CDH26: variants seen among roughly 807,000 people sequenced by gnomAD.
The protein encoded by CDH26 is cadherin 26.
CDH26 carries 83 observed loss-of-function variants against 90.3 expected under a neutral mutation model. The observed-to-expected ratio is 0.92, with a 90% confidence interval of 0.77 to 1.10. CDH26 has a LOEUF of 1.10. Among genes scored for constraint, CDH26 ranks in the 50% least tolerant of loss-of-function variants. The pLI, the probability that CDH26 is intolerant of heterozygous loss-of-function variation, is 0.00. For missense variants in CDH26, 1,013 were observed against 1,037.6 expected (o/e 0.98, Z 0.33); for synonymous variants, 397 against 396.3 (o/e 1.00, Z -0.02).
chr20:60,018,689 CCT>C (rs1236579716), downstream of CDH26, among the ~76,000 whole-genome samples: 3 of 77,182 alleles, frequency 3.9e-5, no homozygotes, highest in Non-Finnish European at 8.1e-5. Flanking sequence ...TTTCTTACTT[CCT>C]CTCTTACTGC....
chr20:59,958,448 A>ACCAT lies in CDH26; in HGVS notation c.-278_-275dup, dbSNP rs1178072355. On this transcript the variant is annotated 5_prime_UTR_variant, in exon 1 of 18. In the 5' UTR this introduces an upstream ATG that the reference lacks. Coordinates refer to ENST00000348616, the MANE Select transcript of CDH26 (RefSeq NM_177980.4). ...AGCCAGTCTTTTGTGTACGTGCAGG[A>ACCAT]CCATGGTGGCTTTAGTTTCTACCCC... The ACCAT allele has an allele frequency of 4.8e-6, 2 of 416,684 alleles. No homozygotes were observed. Among genetic ancestry groups the ACCAT allele is most frequent in the East Asian group, 9.5e-5 (2 of 21,124 alleles). The allele number at this position is 416,684 out of a possible 1,614,324, so 25.8% of individuals were successfully genotyped here. A position where few individuals can be genotyped will look rare whatever the true frequency, so the allele number is the denominator to read the frequency against.
At chr20:59,996,320 T>A in intron 12 of CDH26, 1 of 1,407,058 alleles carries the variant, frequency 7.1e-7, no homozygotes, top group East Asian at 2.5e-5. Flanking sequence ...TTGTTTGTAA[T>A]AACCATGGAG....
At position 59,968,053 on chromosome 20, in the gene CDH26, GTCTC is replaced by G. The variant is rs1229883988; in HGVS notation, c.70-897_70-894del. On this transcript the variant is annotated intron_variant, in intron 1 of 17. Coordinates refer to ENST00000348616, the MANE Select transcript of CDH26 (RefSeq NM_177980.4). Reference sequence around the variant, plus strand: ...TCTCTCTCTCTCTCTCTCTCTCTCTGTCTCTCTCTCTCTCTCTCTCCCTCTCTTT... The same window carrying G: ...TCTCTCTCTCTCTCTCTCTCTCTCTGTCTCTCTCTCTCTCTCCCTCTCTTT... 8.9e-3 allele frequency among the ~76,000 whole-genome samples: 632 copies of G among 70,728 alleles called. 20 individuals carry two copies. Among genetic ancestry groups the G allele is most frequent in the African/African-American group, 0.037 (577 of 15,778 alleles). 46.4% of individuals were successfully genotyped at this position (70,728 alleles called of 152,430 possible).
chr20:59,975,692 C>T (rs754616144), intron 4 of CDH26, among the ~76,000 whole-genome samples: 77 of 152,298 alleles, frequency 5.1e-4, no homozygotes, highest in Middle Eastern at 6.8e-3. Context: ...ACCATCTGCT[C>T]CTGTAAGAGA....
intron 2 of CDH26, among the ~76,000 whole-genome samples, chr20:59,969,336 C>A (rs901308107): frequency 1.3e-5 from 2 of 152,166 alleles, no homozygotes; most frequent in African/African-American, 4.8e-5. Flanking sequence ...TTTTCCATTG[C>A]AGCAGTCATG....
downstream of CDH26, among the ~76,000 whole-genome samples, chr20:60,019,507 T>G (rs1285287548): frequency 6.6e-6 from 1 of 152,238 alleles, no homozygotes; most frequent in Non-Finnish European, 1.5e-5. Flanking sequence ...TTGTTTAATT[T>G]CATTCACTGA....
intron 17 of CDH26, among the ~76,000 whole-genome samples, chr20:60,008,876 C>T (rs2061789769): frequency 6.6e-6 from 1 of 152,176 alleles, no homozygotes; most frequent in Non-Finnish European, 1.5e-5. Flanking sequence ...CTTCTCCGGG[C>T]CTAGAAGCTT....
rs757315629 is a variant in CDH26, at chr20:59,992,367, C to T, written c.1284-11C>T. 5.6e-6 allele frequency: 9 copies of T among 1,599,148 alleles called. No homozygotes were observed. The highest frequency in any genetic ancestry group is 6.8e-6 in the Non-Finnish European group (8 of 1,175,800). On this transcript the variant is annotated splice_polypyrimidine_tract_variant and intron_variant, in intron 9 of 17. Transcript: ENST00000348616. This position sits in a 1 kb window ranked among gnomAD's most constrained non-coding sequence, Gnocchi z 5.0. The stretch of plus-strand genomic sequence containing the variant: ...AATTTTAAAAATTGCTGTCCGTTTT[C>T]CTTCTACAAGATATGAACTGGTTCA...
intron 4 of CDH26, among the ~76,000 whole-genome samples, chr20:59,972,557 G>A (rs2061275711): frequency 6.6e-6 from 1 of 152,156 alleles, no homozygotes; most frequent in African/African-American, 2.4e-5. Flanking sequence ...TATTGTGAGT[G>A]CAGGTGTTCT....
At position 60,010,374 on chromosome 20, in the gene CDH26, C is replaced by CTG. The variant is rs1240832848; in HGVS notation, c.2296-2153_2296-2152insTG. Among the ~76,000 whole-genome samples the CTG allele has an allele frequency of 2.3e-4, 35 of 152,292 alleles. 1 individual carries two copies. The South Asian group carries it at 7.0e-3, about 31-fold the overall frequency. On this transcript the variant is annotated intron_variant, in intron 17 of 17. Transcript: ENST00000348616. ...GAGCTCACCCTCTCAGAATTACTAT[C>CTG]AGCAGTGACGGATTAGACAGGCTCC...
intron 4 of CDH26, among the ~76,000 whole-genome samples, chr20:59,976,031 T>C (rs1213129621): frequency 6.6e-6 from 1 of 152,224 alleles, no homozygotes; most frequent in African/African-American, 2.4e-5. Flanking sequence ...CTCATTTTTG[T>C]AGAATACAAA....
intron 1 of CDH26, among the ~76,000 whole-genome samples, chr20:59,966,085 TA>T (rs2061144688): frequency 6.6e-6 from 1 of 152,098 alleles, no homozygotes. Flanking sequence ...AGATTACATT[TA>T]TCAGTGGGAA....
chr20:60,002,937 C>T, intron 16 of CDH26, 71 bp downstream of exon 16: 1 of 1,200,526 alleles, frequency 8.3e-7, no homozygotes, highest in Non-Finnish European at 1.1e-6. Context: ...GTGCAAATCC[C>T]TGAAAATTGG....
intron 17 of CDH26, among the ~76,000 whole-genome samples, chr20:60,011,790 G>T (rs569002574): frequency 1.3e-5 from 2 of 152,214 alleles, no homozygotes; most frequent in East Asian, 3.9e-4. Context: ...GTAGGTTGTG[G>T]GCAAAACCAC....
intron 15 of CDH26, chr20:60,001,615 GT>G: frequency 1.0e-6 from 1 of 985,316 alleles, no homozygotes; most frequent in Non-Finnish European, 1.2e-6. Flanking sequence ...GATGGCTGCT[GT>G]TTTTAGAGTT....
At chr20:60,035,681 C>T (rs2062076985), downstream of CDH26, among the ~76,000 whole-genome samples, 1 of 152,054 alleles carries the variant, frequency 6.6e-6, no homozygotes, top group Non-Finnish European at 1.5e-5. Context: ...TGTGATCCCA[C>T]ATGTTGAGGG....
chr20:59,971,259 C>G (rs2061258089), intron 3 of CDH26, among the ~76,000 whole-genome samples: 1 of 152,100 alleles, frequency 6.6e-6, no homozygotes, highest in South Asian at 2.1e-4. Flanking sequence ...AGTGTATATG[C>G]CTAAGAGTCA....
chr20:60,020,540 A>G (rs1390026727), intron 7 of CDH26, among the ~76,000 whole-genome samples: 1 of 152,156 alleles, frequency 6.6e-6, no homozygotes, highest in Non-Finnish European at 1.5e-5. Context: ...TGGGCCTGGA[A>G]TCTACACAGC....
Position 60,020,375 on chromosome 20 carries a change from G to A in CDH26, c.948-10856G>A, listed in dbSNP as rs1302002927. ...ATGTATCAGCTGCTTAGTGCCTCAG[G>A]GACCTCTCCCACTTGGGGTAGGGCA... is the stretch of plus-strand genomic sequence containing the variant. On this transcript the variant is annotated intron_variant, in intron 7 of 8. Coordinates refer to the CDH26 transcript ENST00000370991. 2.6e-5 allele frequency among the ~76,000 whole-genome samples: 4 copies of A among 152,200 alleles called. No individual in the cohort carries two copies. The South Asian group carries it at 8.3e-4, about 32-fold the overall frequency.
Sources: allele counts gnomAD v4.1 joint callset (sites outside exome capture counted in the v4.1 genomes callset), GRCh38; gene constraint gnomAD v4.1.1; non-coding constraint Gnocchi (gnomAD v3.1); transcripts MANE v1.5; gene names NCBI Gene and HGNC (gene_info 2026-07-23, HGNC 2026-07-21).